Variants in RBFOX1 observed in about 807,000 individuals in gnomAD.
RBFOX1 encodes the protein RNA binding fox-1 homolog 1.
In RBFOX1, 8 loss-of-function variants were observed where a neutral mutation model predicts 57.7. That is an observed-to-expected ratio of 0.14 (90% CI 0.08 to 0.25). The LOEUF (loss-of-function observed/expected upper bound fraction) is 0.25, where lower values mean the gene tolerates loss of function less well. Among genes scored for constraint, RBFOX1 ranks in the 10% least tolerant of loss-of-function variants. The pLI is 1.00. For synonymous variants in RBFOX1, 326 were observed against 222.4 expected, an observed-to-expected ratio of 1.47 and a Z score of -4.15; for missense variants, 611 against 548.5, an observed-to-expected ratio of 1.11 and a Z score of -1.14.
At chr16:5,355,297 C>T (rs764183752) in intron 1 of RBFOX1, among the ~76,000 whole-genome samples, 42 of 152,154 alleles carry the variant, frequency 2.8e-4, no homozygotes, top group African/African-American at 9.9e-4. Flanking sequence ...CACAACTGAA[C>T]GCAGGTGTGG....
chr16:5,792,112 C>T (rs895586319), intron 3 of RBFOX1, among the ~76,000 whole-genome samples: 9 of 152,144 alleles, frequency 5.9e-5, no homozygotes, highest in African/African-American at 1.9e-4. Context: ...AGCTAGTTAT[C>T]GTGGATAAGT....
intron 1 of RBFOX1, among the ~76,000 whole-genome samples, chr16:6,035,028 G>C (rs370684867): frequency 6.5e-5 from 9 of 139,256 alleles, no homozygotes. Flanking sequence ...TGACCTTTTG[G>C]ATTGCATAAT....
At chr16:5,700,024 G>T (rs932466372) in intron 3 of RBFOX1, among the ~76,000 whole-genome samples, 1 of 152,050 alleles carries the variant, frequency 6.6e-6, no homozygotes, top group East Asian at 1.9e-4. Flanking sequence ...AGTAGAGACG[G>T]GGTTTTACCG....
chr16:7,196,597 T>C (rs951043133), intron 4 of RBFOX1, among the ~76,000 whole-genome samples: 1 of 152,154 alleles, frequency 6.6e-6, no homozygotes, highest in African/African-American at 2.4e-5. Context: ...TTTATTCGCA[T>C]TTTTTAGAGG....
chr16:6,791,286 C>G (rs145365869), intron 3 of RBFOX1, among the ~76,000 whole-genome samples: 127 of 152,278 alleles, frequency 8.3e-4, no homozygotes, highest in Non-Finnish European at 1.4e-3. Context: ...ATGGAAATTG[C>G]TTTTCTTTTT....
intron 2 of RBFOX1, among the ~76,000 whole-genome samples, chr16:6,329,137 A>C (rs2082710531): frequency 6.6e-6 from 1 of 152,122 alleles, no homozygotes; most frequent in Non-Finnish European, 1.5e-5. Flanking sequence ...TCATGGATGG[A>C]AGTTATTTCA....
chr16:6,233,121 G>A (rs1438476867), intron 1 of RBFOX1, among the ~76,000 whole-genome samples: 10 of 152,170 alleles, frequency 6.6e-5, no homozygotes, highest in Non-Finnish European at 1.5e-4. Context: ...AGAGAGAGAT[G>A]AGGCTGGAAA....
chr16:7,121,067 T>C (rs1445274910), intron 4 of RBFOX1, among the ~76,000 whole-genome samples: 1 of 151,898 alleles, frequency 6.6e-6, no homozygotes, highest in Non-Finnish European at 1.5e-5. Context: ...CTAATCTACA[T>C]TGATGATAAA....
intron 4 of RBFOX1, among the ~76,000 whole-genome samples, chr16:7,205,758 G>A (rs886721703): frequency 6.6e-6 from 1 of 152,204 alleles, no homozygotes; most frequent in South Asian, 2.1e-4. Flanking sequence ...TCTTTGAAAA[G>A]GGCAAAAGTG....
chr16:6,221,872 C>G (rs5008169), intron 1 of RBFOX1, among the ~76,000 whole-genome samples: 142,714 of 152,244 alleles, frequency 0.94, 67,557 homozygotes, highest in East Asian at 1. Context: ...TTTGTACCAT[C>G]CTTGACCCAA....
At chr16:7,144,682 C>G (rs1339017247) in intron 4 of RBFOX1, among the ~76,000 whole-genome samples, 1 of 152,140 alleles carries the variant, frequency 6.6e-6, no homozygotes, top group Non-Finnish European at 1.5e-5. Flanking sequence ...ATGGTTTTCA[C>G]TCTGCAGAGC....
At chr16:6,011,608 C>T (rs1482369353) in intron 4 of RBFOX1, among the ~76,000 whole-genome samples, 1 of 152,090 alleles carries the variant, frequency 6.6e-6, no homozygotes, top group Non-Finnish European at 1.5e-5. Flanking sequence ...AGAGTATGTT[C>T]TCAAAAATAT....
intron 3 of RBFOX1, among the ~76,000 whole-genome samples, chr16:6,950,326 G>T (rs112626891): frequency 0.013 from 2,044 of 151,984 alleles, 58 homozygotes; most frequent in African/African-American, 0.047. Context: ...CACACCCATT[G>T]CTTTATCCCA....
chr16:7,147,142 G>A (rs996458371), intron 4 of RBFOX1, among the ~76,000 whole-genome samples: 2 of 135,694 alleles, frequency 1.5e-5, no homozygotes, highest in African/African-American at 6.0e-5. Context: ...ACCATGACTG[G>A]CTAATTTTTT....
intron 3 of RBFOX1, among the ~76,000 whole-genome samples, chr16:6,750,356 T>G (rs1322625599): frequency 1.3e-5 from 2 of 152,170 alleles, no homozygotes; most frequent in Admixed American, 1.3e-4. Flanking sequence ...GATGCCTTAT[T>G]ATGGTATTTA....
At chr16:6,830,458 G>C (rs2092626420) in intron 3 of RBFOX1, among the ~76,000 whole-genome samples, 1 of 152,110 alleles carries the variant, frequency 6.6e-6, no homozygotes, top group Non-Finnish European at 1.5e-5. Flanking sequence ...GAAGACCTTA[G>C]AAAAATAAGC....
chr16:6,279,896 T>G (rs2076201585), intron 1 of RBFOX1, among the ~76,000 whole-genome samples: 1 of 152,046 alleles, frequency 6.6e-6, no homozygotes, highest in Non-Finnish European at 1.5e-5. Context: ...GGTGAGGATT[T>G]TTTTTTTAAT....
chr16:6,132,302 T>C (rs570396413), intron 1 of RBFOX1, among the ~76,000 whole-genome samples: 1 of 152,280 alleles, frequency 6.6e-6, no homozygotes, highest in East Asian at 1.9e-4. Flanking sequence ...TGACTAGTTT[T>C]GCTCACTGAA....
At chr16:5,878,026 A>C (rs995887456) in intron 4 of RBFOX1, among the ~76,000 whole-genome samples, 2 of 152,232 alleles carry the variant, frequency 1.3e-5, no homozygotes, top group Non-Finnish European at 2.9e-5. Context: ...AGTAAGGGGC[A>C]TTGGAGACTA....
Sources: allele counts gnomAD v4.1 joint callset (sites outside exome capture counted in the v4.1 genomes callset), GRCh38; gene constraint gnomAD v4.1.1; transcripts MANE v1.5; gene names NCBI Gene and HGNC (gene_info 2026-07-23, HGNC 2026-07-21).